Variants in LIPC observed in about 807,000 individuals in gnomAD.
LIPC encodes lipase C, hepatic type.
In LIPC, 44 loss-of-function variants were observed where a neutral mutation model predicts 50.7. The observed-to-expected ratio is 0.87, with a 90% CI of 0.68 to 1.11. The LOEUF (loss-of-function observed/expected upper bound fraction) is 1.11, where lower values mean the gene tolerates loss of function less well. LIPC is among the 50% of genes most tolerant of loss of function. The probability of loss-of-function intolerance (pLI) is 0.00; values close to 1 mark genes in which losing one functional copy is unlikely to be tolerated. For synonymous variants in LIPC, 271 were observed against 256.4 expected, an observed-to-expected ratio of 1.06 and a Z score of -0.54; for missense variants, 697 against 648.2, an observed-to-expected ratio of 1.08 and a Z score of -0.82.
At chr15:58,535,522 C>A (rs538267057) in intron 1 of LIPC, among the ~76,000 whole-genome samples, 3 of 152,334 alleles carry the variant, frequency 2.0e-5, no homozygotes, top group South Asian at 4.1e-4. Flanking sequence ...AGCCTCGAAG[C>A]CTCAGCCACC....
At chr15:58,551,555 T>C (rs146314741) in intron 6 of LIPC, among the ~76,000 whole-genome samples, 2 of 152,176 alleles carry the variant, frequency 1.3e-5, no homozygotes, top group African/African-American at 4.8e-5. Context: ...CTACTGGTGA[T>C]GCTGGGATGA....
chr15:58,509,498 G>A (rs1238836737), intron 1 of LIPC, among the ~76,000 whole-genome samples: 1 of 152,200 alleles, frequency 6.6e-6, no homozygotes, highest in Non-Finnish European at 1.5e-5. Flanking sequence ...TCCAAGGATT[G>A]CTGTGAAGAT....
chr15:58,469,371 C>T (rs1894699856), intron 1 of LIPC, among the ~76,000 whole-genome samples: 1 of 152,146 alleles, frequency 6.6e-6, no homozygotes, highest in Non-Finnish European at 1.5e-5. Flanking sequence ...ACTTGGGTCT[C>T]AACCATTTAG....
intron 1 of LIPC, among the ~76,000 whole-genome samples, chr15:58,470,250 T>C (rs1226012232): frequency 6.6e-6 from 1 of 152,138 alleles, no homozygotes; most frequent in Non-Finnish European, 1.5e-5. Flanking sequence ...TTCTTTGAAT[T>C]TTAAAAGACT....
intron 1 of LIPC, among the ~76,000 whole-genome samples, chr15:58,498,235 C>A (rs550055418): frequency 6.6e-6 from 1 of 152,116 alleles, no homozygotes; most frequent in South Asian, 2.1e-4. Context: ...CCAGGATCCT[C>A]GGAAGGGTTT....
At chr15:58,506,438 G>A (rs1329858839) in intron 1 of LIPC, among the ~76,000 whole-genome samples, 1 of 152,194 alleles carries the variant, frequency 6.6e-6, no homozygotes, top group Non-Finnish European at 1.5e-5. Context: ...AGACAGTCCA[G>A]ATCAGGAGAG....
intron 6 of LIPC, among the ~76,000 whole-genome samples, chr15:58,553,714 A>T (rs1441542610): frequency 6.6e-6 from 1 of 152,256 alleles, no homozygotes; most frequent in African/African-American, 2.4e-5. Flanking sequence ...ACCGACACAT[A>T]CAGGTGTTAC....
rs897052423 is a variant in LIPC at position 58,545,728 on chromosome 15, T to G, written c.575-14T>G. On this transcript the variant is annotated splice_polypyrimidine_tract_variant and intron_variant, in intron 4 of 8. Transcript: ENST00000299022. Reference sequence around the variant, plus strand: ...CTTGCTCCTGCGTAACCCTTACCCCTGCTTTCCCATTAGGGCTGGATGCCG... The same window carrying G: ...CTTGCTCCTGCGTAACCCTTACCCCGGCTTTCCCATTAGGGCTGGATGCCG... 2 of 1,612,462 alleles carry G rather than the reference T, an allele frequency of 1.2e-6. No homozygotes were observed. Among genetic ancestry groups the G allele is most frequent in the East Asian group, 2.2e-5 (1 of 44,880 alleles).
At chr15:58,517,977 G>T (rs989747524) in intron 1 of LIPC, among the ~76,000 whole-genome samples, 3 of 152,328 alleles carry the variant, frequency 2.0e-5, no homozygotes, top group Non-Finnish European at 4.4e-5. Flanking sequence ...TTGGTCAAGA[G>T]CTCTATTCAT....
At chr15:58,467,572 C>T (rs533616435) in intron 1 of LIPC, among the ~76,000 whole-genome samples, 4 of 152,112 alleles carry the variant, frequency 2.6e-5, no homozygotes, top group Non-Finnish European at 4.4e-5. Context: ...CCTGGGCTTA[C>T]GTCAGGCTGT....
At chr15:58,508,724 GT>G (rs372207098) in intron 1 of LIPC, among the ~76,000 whole-genome samples, 2 of 57,026 alleles carry the variant, frequency 3.5e-5, no homozygotes, top group South Asian at 3.5e-4. Context: ...ATTAGTCCCA[GT>G]TTTTTTTTGG....
intron 1 of LIPC, among the ~76,000 whole-genome samples, chr15:58,506,391 G>C (rs1006833284): frequency 1.1e-4 from 16 of 152,108 alleles, no homozygotes; most frequent in African/African-American, 3.9e-4. Flanking sequence ...CGACTGAAAG[G>C]GCACCCTCCC....
intron 1 of LIPC, among the ~76,000 whole-genome samples, chr15:58,500,323 G>A (rs115234920): frequency 2.4e-3 from 364 of 152,250 alleles, no homozygotes; most frequent in Middle Eastern, 0.014. Flanking sequence ...AGATGTAAGC[G>A]CCCAACAGAT....
At chr15:58,439,112 T>C (rs74016103) in intron 1 of LIPC, among the ~76,000 whole-genome samples, 6,421 of 152,202 alleles carry the variant, frequency 0.042, 477 homozygotes, top group African/African-American at 0.15. Flanking sequence ...GATGTGTAGG[T>C]GGCGACGCTG....
chr15:58,494,224 C>T (rs1450508882), intron 1 of LIPC, among the ~76,000 whole-genome samples: 14 of 152,216 alleles, frequency 9.2e-5, no homozygotes, highest in Admixed American at 9.2e-4. Flanking sequence ...TAGTCTTTCA[C>T]AATCTAATCC....
chr15:58,448,940 G>A (rs1893801535), intron 1 of LIPC, among the ~76,000 whole-genome samples: 1 of 152,186 alleles, frequency 6.6e-6, no homozygotes, highest in South Asian at 2.1e-4. Context: ...TGTCTACCCT[G>A]AAGGACAAAA....
intron 1 of LIPC, among the ~76,000 whole-genome samples, chr15:58,536,164 A>AG (rs1211401481): frequency 6.6e-6 from 1 of 152,192 alleles, no homozygotes; most frequent in Admixed American, 6.5e-5. Context: ...CTAGATGAGA[A>AG]GGCTTCCTGG....
chr15:58,471,328 T>TTGGG (rs1555399295), intron 1 of LIPC, among the ~76,000 whole-genome samples: 3 of 114,182 alleles, frequency 2.6e-5, no homozygotes, highest in African/African-American at 6.8e-5. Flanking sequence ...TTAGTAGAGA[T>TTGGG]GGGGGGGGGT....
chr15:58,448,332 C>T (rs1420935600), intron 1 of LIPC, among the ~76,000 whole-genome samples: 2 of 152,200 alleles, frequency 1.3e-5, no homozygotes, highest in Admixed American at 6.5e-5. Flanking sequence ...GTGTTATGTC[C>T]CCATCAGGGT....
Sources: allele counts gnomAD v4.1 joint callset (sites outside exome capture counted in the v4.1 genomes callset), GRCh38; gene constraint gnomAD v4.1.1; transcripts MANE v1.5; gene names NCBI Gene and HGNC (gene_info 2026-07-23, HGNC 2026-07-21).